JADE2: variants seen among roughly 807,000 people sequenced by gnomAD.
The protein encoded by JADE2 is jade family PHD finger 2.
Under a neutral mutation model 85.7 loss-of-function variants are expected in JADE2, and 13 were observed. That is an observed-to-expected ratio of 0.15 (90% confidence interval 0.10 to 0.24). The LOEUF (loss-of-function observed/expected upper bound fraction) is 0.24, where lower values mean the gene tolerates loss of function less well. Among genes scored for constraint, JADE2 ranks in the 10% least tolerant of loss-of-function variants. JADE2 has a pLI of 1.00. For synonymous variants in JADE2, 440 were observed against 456.1 expected (o/e 0.96, Z 0.45); for missense variants, 846 against 1,115.9 (o/e 0.76, Z 3.45).
chr5:134,570,453 C>T (rs1003228262), intron 9 of JADE2, among the ~76,000 whole-genome samples: 15 of 152,268 alleles, frequency 9.9e-5, no homozygotes, highest in African/African-American at 2.2e-4. Flanking sequence ...TCTTCAAAAG[C>T]GAATCCTCCC....
rs777757128 is a variant in JADE2 at position 134,537,944 on chromosome 5, C to T, written c.59-45C>T. On this transcript the variant is annotated intron_variant, in intron 2 of 11. Coordinates refer to ENST00000681547, the MANE Select transcript of JADE2 (RefSeq NM_001388185.1). ...TATTCTTGGGCATGAGTGGGTGGTG[C>T]TCCTGGCCCTCCAGGACCCCTAATG... The T allele has an allele frequency of 2.1e-6, 3 of 1,426,636 alleles. No individual in the cohort carries two copies. The Admixed American group carries it at 5.1e-5, about 24-fold the overall frequency. 88.4% of individuals were successfully genotyped at this position (1,426,636 alleles called of 1,614,324 possible).
intron 2 of JADE2, among the ~76,000 whole-genome samples, chr5:134,537,758 G>C (rs1355771520): frequency 1.3e-5 from 2 of 152,176 alleles, no homozygotes; most frequent in African/African-American, 4.8e-5. Context: ...CTGAGCCCCA[G>C]TAACAGCCTT....
rs775843315 is a variant in JADE2 at position 134,578,604 on chromosome 5, A to G, written c.1792A>G (p.Asn598Asp). 6.2e-7 allele frequency: 1 copy of G among 1,614,120 alleles called. No homozygotes were observed. The highest frequency in any genetic ancestry group is 1.6e-4 in the Middle Eastern group (1 of 6,062). ...NMAMSEWPLN[N>D]GHREDPAPGL... ...GGCCATGAGCGAGTGGCCACTGAACAATGGGCACCGCGAGGACCCTGCTCC... is the reference window on the plus strand; with the variant it reads ...GGCCATGAGCGAGTGGCCACTGAACGATGGGCACCGCGAGGACCCTGCTCC... The change falls in exon 12 of 12, where the codon AAT (asparagine) becomes GAT (aspartate). Residue 598 changes from asparagine (N) to aspartate (D), a missense_variant. Asn to Asp is a conservative substitution (Grantham distance 23). Transcript: ENST00000681547. This position sits in a 1 kb window ranked among gnomAD's most constrained non-coding sequence, Gnocchi z 4.4.
At position 134,538,188 on chromosome 5, in the gene JADE2, G is replaced by A. The variant is rs146739055; in HGVS notation, c.153+105G>A. The stretch of plus-strand genomic sequence containing the variant: ...GGCAGAGGGCACGGGCAGTGCAGAG[G>A]GAGGCCAGCGTGGCCGAGTGGAATG... On this transcript the variant is annotated intron_variant, in intron 3 of 11. Coordinates refer to ENST00000681547, the MANE Select transcript of JADE2 (RefSeq NM_001388185.1). 7.6e-4 allele frequency: 657 copies of A among 867,078 alleles called. 3 individuals are homozygous for A. The East Asian group carries it at 0.016, about 21-fold the overall frequency. 53.7% of individuals were successfully genotyped at this position (867,078 alleles called of 1,614,324 possible). A position where few individuals can be genotyped will look rare whatever the true frequency, so the allele number is the denominator to read the frequency against.
At chr5:134,554,931 T>C (rs1762821784) in intron 4 of JADE2, among the ~76,000 whole-genome samples, 1 of 152,212 alleles carries the variant, frequency 6.6e-6, no homozygotes, top group Admixed American at 6.5e-5. Flanking sequence ...ACAAACTGCA[T>C]GTAACTGTCC....
rs748196324 is a variant in JADE2, at chr5:134,578,713, C to T, written c.1901C>T (p.Pro634Leu). 10 of 1,613,518 alleles carry T rather than the reference C, an allele frequency of 6.2e-6. No homozygotes were observed. The highest frequency in any genetic ancestry group is 8.5e-6 in the Non-Finnish European group (10 of 1,179,938). ...GACCCCTCGCTGCGACCTGGTGACC[C>T]TGCTAGGAAGGCCCGAGGCCGCACC... ...MRDPSLRPGD[P>L]ARKARGRTRL... The change falls in exon 12 of 12, where the codon CCT becomes CTT. Residue 634 changes from proline to leucine, a missense_variant. Pro to Leu is a moderately conservative substitution (Grantham distance 98). Coordinates refer to ENST00000681547, the MANE Select transcript of JADE2 (RefSeq NM_001388185.1). The surrounding 1 kb of genome is among the most constrained non-coding windows in gnomAD (Gnocchi z 4.4).
rs1764533616 is a variant in JADE2 at position 134,578,669 on chromosome 5, A to G, written c.1857A>G (p.Thr619=). The G allele has an allele frequency of 1.2e-6, 2 of 1,614,048 alleles. No homozygotes were observed. The highest frequency in any genetic ancestry group is 1.7e-6 in the Non-Finnish European group (2 of 1,180,020). ...AGGAACTGCTGCAGGACGAGGAGAC[A>G]CTGCTCAGCTTCATGCGGGACCCCT... The part of the protein sequence containing the change: ...LSEELLQDEE[T]LLSFMRDPSL... The change falls in exon 12 of 12, where the codon ACA becomes ACG. Residue 619 remains threonine (T), a synonymous_variant. Transcript: ENST00000681547. This position sits in a 1 kb window ranked among gnomAD's most constrained non-coding sequence, Gnocchi z 4.4.
At position 134,572,824 on chromosome 5, in the gene JADE2, A is replaced by G. The variant is rs571923283; in HGVS notation, c.1435-821A>G. On this transcript the variant is annotated intron_variant, in intron 9 of 11. Coordinates refer to ENST00000681547, the MANE Select transcript of JADE2 (RefSeq NM_001388185.1). ...GCTTCCTGTGGGACCACCTATAAGA[A>G]GGGTCCATGTCCCATGAGCTTAGCA... Among the ~76,000 whole-genome samples the G allele has an allele frequency of 3.9e-5, 6 of 152,304 alleles. No homozygotes were observed. The South Asian group carries it at 1.2e-3, about 32-fold the overall frequency.
At chr5:134,550,257 C>G (rs1762520600) in intron 3 of JADE2, among the ~76,000 whole-genome samples, 1 of 152,174 alleles carries the variant, frequency 6.6e-6, no homozygotes, top group Non-Finnish European at 1.5e-5. Flanking sequence ...AGAAACTTGA[C>G]CTTTTTCAAG....
chr5:134,544,114 G>A (rs373282536), intron 3 of JADE2, among the ~76,000 whole-genome samples: 2 of 152,262 alleles, frequency 1.3e-5, no homozygotes, highest in Admixed American at 6.5e-5. Flanking sequence ...CCCCAAGCAG[G>A]CTGTCTTGAG....
rs1167583820 is a variant in JADE2 at position 134,566,994 on chromosome 5, CTG to C, written c.1434+415_1434+416del. Among the ~76,000 whole-genome samples the C allele has an allele frequency of 1.3e-5, 2 of 152,248 alleles. No individual in the cohort carries two copies. Among genetic ancestry groups the C allele is most frequent in the Non-Finnish European group, 2.9e-5 (2 of 68,038 alleles). ...TTGAGAATCTGAGGCAGAGGAGGAA[CTG>C]GAGCTTCCCAAGCTGTCCCCGTAAC... On this transcript the variant is annotated intron_variant, in intron 9 of 11. Coordinates refer to ENST00000681547, the MANE Select transcript of JADE2 (RefSeq NM_001388185.1). This position sits in a 1 kb window ranked among gnomAD's most constrained non-coding sequence, Gnocchi z 6.7.
intron 3 of JADE2, among the ~76,000 whole-genome samples, chr5:134,547,273 C>T (rs376730902): frequency 8.5e-5 from 13 of 152,328 alleles, no homozygotes; most frequent in African/African-American, 3.1e-4. Flanking sequence ...GCACCCCTAG[C>T]ACTCAGATTG....
At chr5:134,556,916 ACACACAT>A (rs1380041441) in intron 4 of JADE2, among the ~76,000 whole-genome samples, 3 of 132,960 alleles carry the variant, frequency 2.3e-5, no homozygotes, top group Non-Finnish European at 4.7e-5. Flanking sequence ...ACATGCACAC[ACACACAT>A]CACACAGCAC....
chr5:134,570,548 G>A (rs955384184), intron 9 of JADE2, among the ~76,000 whole-genome samples: 1 of 151,764 alleles, frequency 6.6e-6, no homozygotes, highest in African/African-American at 2.4e-5. Context: ...TTGCATCCTT[G>A]CTGCCCACTC....
chr5:134,545,046 G>A (rs1762207989), intron 3 of JADE2, among the ~76,000 whole-genome samples: 1 of 152,218 alleles, frequency 6.6e-6, no homozygotes, highest in African/African-American at 2.4e-5. Flanking sequence ...ACAGTAAAAT[G>A]CAAAATGCCC....
intron 3 of JADE2, among the ~76,000 whole-genome samples, chr5:134,545,710 G>A (rs1762260527): frequency 6.6e-6 from 1 of 152,192 alleles, no homozygotes; most frequent in African/African-American, 2.4e-5. Context: ...GGGGTAATAT[G>A]AATTAGGAGC....
chr5:134,564,949 A>T (rs903756412), intron 8 of JADE2, among the ~76,000 whole-genome samples: 1 of 152,310 alleles, frequency 6.6e-6, no homozygotes, highest in South Asian at 2.1e-4. Flanking sequence ...AGGGGTTAGG[A>T]ATCAAACTTC....
chr5:134,576,301 T>A (rs533219943), intron 10 of JADE2, among the ~76,000 whole-genome samples: 82 of 152,054 alleles, frequency 5.4e-4, no homozygotes, highest in Non-Finnish European at 1.0e-3. Context: ...TGCCTGACTT[T>A]GAAAGCCAAC....
chr5:134,577,978 G>T (rs1764487877), intron 11 of JADE2, among the ~76,000 whole-genome samples: 1 of 152,302 alleles, frequency 6.6e-6, no homozygotes, highest in Non-Finnish European at 1.5e-5. Flanking sequence ...GGCGGCCTGA[G>T]GGCATTTTCC....
Sources: gnomAD v4.1 joint callset for allele counts (sites outside exome capture counted in the v4.1 genomes callset) on GRCh38, gnomAD v4.1.1 for gene constraint, Gnocchi (gnomAD v3.1) non-coding constraint, MANE v1.5 for transcripts, NCBI Gene and HGNC (gene_info 2026-07-23, HGNC 2026-07-21) for gene names.